Variants in FAM163B observed in about 807,000 individuals in gnomAD.
The protein encoded by FAM163B is family with sequence similarity 163 member B.
A neutral mutation model predicts 7.6 loss-of-function variants in FAM163B; 4 were observed. The observed-to-expected ratio is 0.52, with a 90% CI of 0.26 to 1.20. The LOEUF is 1.20. Ranked by LOEUF, FAM163B falls within the 50% of genes most tolerant of loss-of-function variation. The pLI is 0.14. For synonymous variants in FAM163B, 120 were observed against 111.6 expected (o/e 1.07, Z -0.47); for missense variants, 250 against 243.0 (o/e 1.03, Z -0.19).
At chr9:133,594,263 A>G (rs1441559171) in intron 1 of FAM163B, among the ~76,000 whole-genome samples, 2 of 152,288 alleles carry the variant, frequency 1.3e-5, no homozygotes, top group East Asian at 3.9e-4. Flanking sequence ...TAGGTCCCGA[A>G]CATCTGATGT....
intron 1 of FAM163B, among the ~76,000 whole-genome samples, chr9:133,588,568 G>A (rs1172152183): frequency 0.062 from 2 of 32 alleles, no homozygotes; most frequent in East Asian, 0.33. Flanking sequence ...CATGTTGAGG[G>A]ATTAGCATGC....
At position 133,606,507 on chromosome 9, in the gene FAM163B, A is replaced by G. The variant is rs1429779516; in HGVS notation, c.-24+2570T>C. On this transcript the variant is annotated intron_variant, in intron 1 of 2. Coordinates refer to ENST00000673969, the MANE Select transcript of FAM163B (RefSeq NM_001080515.3). This position sits in a 1 kb window ranked among gnomAD's most constrained non-coding sequence, Gnocchi z 4.0. ...CAGGACCACATGCTCTTGGCATCCA[A>G]AAGCCTTTTGGCCAGGCTCACGGTT... 6.6e-6 allele frequency among the ~76,000 whole-genome samples: 1 copy of G among 152,212 alleles called. No individual in the cohort carries two copies. Among genetic ancestry groups the G allele is most frequent in the Non-Finnish European group, 1.5e-5 (1 of 68,030 alleles).
At chr9:133,608,849 C>T (rs554402274) in intron 1 of FAM163B, among the ~76,000 whole-genome samples, 67 of 152,350 alleles carry the variant, frequency 4.4e-4, no homozygotes, top group African/African-American at 1.5e-3. Context: ...GGTCCCCCAC[C>T]TCTCCCTTAG....
At chr9:133,590,356 C>T (rs1034030837) in intron 1 of FAM163B, among the ~76,000 whole-genome samples, 3 of 151,886 alleles carry the variant, frequency 2.0e-5, no homozygotes, top group Non-Finnish European at 2.9e-5. Context: ...GAGGGAGGGC[C>T]AGGCCAGGAC....
At chr9:133,602,761 C>T (rs980217817) in intron 1 of FAM163B, among the ~76,000 whole-genome samples, 5 of 152,174 alleles carry the variant, frequency 3.3e-5, no homozygotes, top group Admixed American at 2.6e-4. Context: ...ACCAAACAAA[C>T]TCTAAACACA....
At chr9:133,604,706 G>T (rs1249578288) in intron 1 of FAM163B, among the ~76,000 whole-genome samples, 1 of 152,110 alleles carries the variant, frequency 6.6e-6, no homozygotes, top group Non-Finnish European at 1.5e-5. Flanking sequence ...CTGGGGGCCG[G>T]TTACAACAGG....
At chr9:133,597,481 AGT>A (rs1374360625) in intron 1 of FAM163B, among the ~76,000 whole-genome samples, 2 of 152,214 alleles carry the variant, frequency 1.3e-5, no homozygotes, top group Non-Finnish European at 2.9e-5. Context: ...AACAGAACTC[AGT>A]GAGGTGTGGA....
At chr9:133,580,524 T>G (rs1831341084) in intron 1 of FAM163B, among the ~76,000 whole-genome samples, 1 of 152,200 alleles carries the variant, frequency 6.6e-6, no homozygotes, top group Non-Finnish European at 1.5e-5. Flanking sequence ...TTTACAAGCG[T>G]GTCTCTCCAT....
rs1831335179 is a variant in FAM163B at position 133,580,192 on chromosome 9, C to A, written c.32G>T (p.Gly11Val). ...GAGCAAAATCACAGTCGCCAAGATGCCCCCGGTGATGACCACGGTCCCGGC... is the reference window on the plus strand; with the variant it reads ...GAGCAAAATCACAGTCGCCAAGATGACCCCGGTGATGACCACGGTCCCGGC... MTAGTVVITG[G>V]ILATVILLCI... Residue 11 changes from glycine (G) to valine (V), a missense_variant, in exon 2 of 3, where the codon GGC becomes GTC. Transcript: ENST00000673969. The A allele has an allele frequency of 1.9e-6, 3 of 1,613,370 alleles. No homozygotes were observed. The highest frequency in any genetic ancestry group is 2.5e-6 in the Non-Finnish European group (3 of 1,179,970).
chr9:133,599,807 ATG>A (rs1039406159), intron 1 of FAM163B, among the ~76,000 whole-genome samples: 17 of 144,342 alleles, frequency 1.2e-4, no homozygotes, highest in African/African-American at 2.9e-4. Context: ...ATCTGTGTGC[ATG>A]TGTGTATATG....
chr9:133,579,403 C>G lies in FAM163B; in HGVS notation c.120G>C (p.Ser40=). ...AGTCTGGTTCCTCCTCGTCCTCCTC[C>G]GACTCGTCCTTCTTGCAGCAGTAGT... The part of the protein sequence containing the change: ...LQYYCCKKDE[S]EEDEEEPDFA... The change falls in exon 3 of 3, where the codon TCG becomes TCC. Residue 40 remains serine, a synonymous_variant. Transcript: ENST00000673969. 1 of 1,607,156 alleles carries G rather than the reference C, an allele frequency of 6.2e-7. No individual in the cohort carries two copies. The highest frequency in any genetic ancestry group is 8.5e-7 in the Non-Finnish European group (1 of 1,177,470).
chr9:133,599,993 A>G (rs1006771061), intron 1 of FAM163B, among the ~76,000 whole-genome samples: 29 of 126,996 alleles, frequency 2.3e-4, no homozygotes, highest in Non-Finnish European at 4.4e-4. Flanking sequence ...GCATATGCGA[A>G]TGTGTGTGTG....
rs1292511084 is a variant in FAM163B at position 133,601,136 on chromosome 9, G to T, written c.-24+7941C>A. On this transcript the variant is annotated intron_variant, in intron 1 of 2. Transcript: ENST00000673969. This position sits in a 1 kb window ranked among gnomAD's most constrained non-coding sequence, Gnocchi z 4.1. The stretch of plus-strand genomic sequence containing the variant: ...CCTCACTCTACTCACTCCTCCTGGA[G>T]CCCTGAACACCCACTGCCCCATACT... Among the ~76,000 whole-genome samples, 1 of 152,154 alleles carries T rather than the reference G, an allele frequency of 6.6e-6. No homozygotes were observed. Among genetic ancestry groups the T allele is most frequent in the African/African-American group, 2.4e-5 (1 of 41,438 alleles).
At chr9:133,585,743 C>T (rs1418427113) in intron 1 of FAM163B, among the ~76,000 whole-genome samples, 1 of 152,214 alleles carries the variant, frequency 6.6e-6, no homozygotes, top group East Asian at 1.9e-4. Flanking sequence ...GCTTCACAAG[C>T]GGCCCCTCTA....
At position 133,580,143 on chromosome 9, in the gene FAM163B, G is replaced by A; in HGVS notation, c.81C>T (p.Tyr27=). The A allele has an allele frequency of 6.2e-7, 1 of 1,612,352 alleles. No individual in the cohort carries two copies. Among genetic ancestry groups the A allele is most frequent in the Non-Finnish European group, 8.5e-7 (1 of 1,179,962 alleles). The change falls in exon 2 of 3, where the codon TAC becomes TAT. Residue 27 remains tyrosine (Y), a synonymous_variant. Coordinates refer to ENST00000673969, the MANE Select transcript of FAM163B (RefSeq NM_001080515.3). ...ILLCIIAVLC[Y]CRLQYYCCKK... is the part of the protein sequence containing the mutation. The stretch of plus-strand genomic sequence containing the variant: ...CGCCCGGGAATACCTGGAGCCGGCA[G>A]TAGCACAGAACAGCGATGATGCAGA...
At position 133,579,266 on chromosome 9, in the gene FAM163B, T is replaced by C. The variant is rs1167574805; in HGVS notation, c.257A>G (p.Gln86Arg). Residue 86 changes from glutamine to arginine, a missense_variant, in exon 3 of 3, where the codon CAG becomes CGG. Coordinates refer to ENST00000673969, the MANE Select transcript of FAM163B (RefSeq NM_001080515.3). ...ASTSFSQKSP[Q>R]ARALCRSCSH... is the part of the protein sequence containing the mutation. Reference sequence around the variant, plus strand: ...GCAGCTGCGGCAGAGGGCGCGGGCCTGCGGGGACTTCTGGCTGAAGGAGGT... The same window carrying C: ...GCAGCTGCGGCAGAGGGCGCGGGCCCGCGGGGACTTCTGGCTGAAGGAGGT... 60 of 1,612,496 alleles carry C rather than the reference T, an allele frequency of 3.7e-5. No individual in the cohort carries two copies. The highest frequency in any genetic ancestry group is 5.0e-5 in the Admixed American group (3 of 59,952).
chr9:133,580,075 T>C (rs75483000), intron 2 of FAM163B, 56 bp downstream of exon 2: 19,551 of 1,481,668 alleles, frequency 0.013, 500 homozygotes, highest in East Asian at 0.11. Context: ...CCTCCCGAGG[T>C]AGGGGCACCC....
Position 133,590,373 on chromosome 9 carries a change from G to C in FAM163B, c.-23-10127C>G, listed in dbSNP as rs1157254508. On this transcript the variant is annotated intron_variant, in intron 1 of 2. Transcript: ENST00000673969. ...GGGAGGGCCAGGCCAGGACTTGCTG[G>C]AACGACCAGAGCTCTCGTTTAGTAA... Among the ~76,000 whole-genome samples the C allele has an allele frequency of 3.9e-5, 6 of 152,050 alleles. No individual in the cohort carries two copies. In the East Asian group the frequency reaches 1.2e-3, roughly 30 times the overall value.
chr9:133,601,228 C>T lies in FAM163B; in HGVS notation c.-24+7849G>A, dbSNP rs1484634674. Among the ~76,000 whole-genome samples the T allele has an allele frequency of 6.6e-5, 10 of 152,224 alleles. No homozygotes were observed. Among genetic ancestry groups the T allele is most frequent in the African/African-American group, 1.9e-4 (8 of 41,454 alleles). ...GCCTCTGAGCTCTCTGGGCAGGGCG[C>T]GCCTTTGGAGCCGACTCAGTGATTC... On this transcript the variant is annotated intron_variant, in intron 1 of 2. Transcript: ENST00000673969. This position sits in a 1 kb window ranked among gnomAD's most constrained non-coding sequence, Gnocchi z 4.1.
Sources: allele counts gnomAD v4.1 joint callset (sites outside exome capture counted in the v4.1 genomes callset), GRCh38; gene constraint gnomAD v4.1.1; non-coding constraint Gnocchi (gnomAD v3.1); transcripts MANE v1.5; gene names NCBI Gene and HGNC (gene_info 2026-07-23, HGNC 2026-07-21).